LDLRAD3: variants seen among roughly 807,000 people sequenced by gnomAD.
LDLRAD3 encodes the protein low density lipoprotein receptor class A domain containing 3, also known as low-density lipoprotein receptor class A domain-containing protein 3.
LDLRAD3 carries 20 observed loss-of-function variants against 29.4 expected under a neutral mutation model. The observed-to-expected ratio is 0.68, with a 90% confidence interval of 0.48 to 0.99. LDLRAD3 has a LOEUF of 0.99. Ranked by LOEUF, LDLRAD3 falls within the 50% of genes least tolerant of loss-of-function variation. The pLI, the probability that LDLRAD3 is intolerant of heterozygous loss-of-function variation, is 0.00. For missense variants in LDLRAD3, 420 were observed against 454.3 expected (o/e 0.92, Z 0.69); for synonymous variants, 157 against 192.7 (o/e 0.81, Z 1.53).
intron 4 of LDLRAD3, among the ~76,000 whole-genome samples, chr11:36,107,794 C>T (rs1489475908): frequency 4.6e-5 from 7 of 152,098 alleles, no homozygotes; most frequent in Middle Eastern, 3.2e-3. Flanking sequence ...ATGATGAAAT[C>T]GCCTAATGAT....
At chr11:36,167,415 C>G (rs1474106059) in intron 4 of LDLRAD3, among the ~76,000 whole-genome samples, 1 of 152,184 alleles carries the variant, frequency 6.6e-6, no homozygotes, top group Non-Finnish European at 1.5e-5. Flanking sequence ...AATTAACCAT[C>G]ACGATGAGGT....
At chr11:36,199,525 C>T (rs1855086503) in intron 4 of LDLRAD3, among the ~76,000 whole-genome samples, 1 of 152,038 alleles carries the variant, frequency 6.6e-6, no homozygotes, top group Non-Finnish European at 1.5e-5. Context: ...CAATGAGGGT[C>T]CCTGTTATAT....
At chr11:36,186,531 G>C (rs1407746985) in intron 4 of LDLRAD3, among the ~76,000 whole-genome samples, 1 of 152,144 alleles carries the variant, frequency 6.6e-6, no homozygotes, top group African/African-American at 2.4e-5. Context: ...TTGCATGTGT[G>C]GTCTAGGGTT....
chr11:36,134,840 G>T (rs1289459961), intron 4 of LDLRAD3, among the ~76,000 whole-genome samples: 1 of 152,212 alleles, frequency 6.6e-6, no homozygotes, highest in Non-Finnish European at 1.5e-5. Flanking sequence ...TGGCAAGTTG[G>T]TGGTGGGTGC....
chr11:36,039,006 G>T, intron 2 of LDLRAD3, among the ~76,000 whole-genome samples: 2 of 140,640 alleles, frequency 1.4e-5, no homozygotes, highest in African/African-American at 5.4e-5. Flanking sequence ...TCTTGCCTCT[G>T]TCACCCAGGC....
intron 3 of LDLRAD3, among the ~76,000 whole-genome samples, chr11:36,094,711 A>G (rs934295718): frequency 3.9e-5 from 6 of 151,906 alleles, no homozygotes; most frequent in Non-Finnish European, 8.8e-5. Context: ...TAATTTTTGT[A>G]TTTTTAGTAG....
At chr11:36,108,176 T>C (rs780441225) in intron 4 of LDLRAD3, among the ~76,000 whole-genome samples, 4 of 151,380 alleles carry the variant, frequency 2.6e-5, no homozygotes, top group South Asian at 2.1e-4. Flanking sequence ...CAAAATTAGC[T>C]GGGCGTGGTG....
chr11:35,994,853 CT>C (rs1161344257), intron 1 of LDLRAD3, among the ~76,000 whole-genome samples: 3 of 152,254 alleles, frequency 2.0e-5, no homozygotes, highest in Non-Finnish European at 4.4e-5. Context: ...GTTTGCTCAT[CT>C]GTAAGAAGCA....
At position 35,944,125 on chromosome 11, in the gene LDLRAD3, G is replaced by C. The variant is rs1307416397; in HGVS notation, c.27G>C (p.Leu9=). 1.9e-6 allele frequency: 2 copies of C among 1,059,124 alleles called. No individual in the cohort carries two copies. Among genetic ancestry groups the C allele is most frequent in the African/African-American group, 1.7e-5 (1 of 58,718 alleles). 65.6% of individuals were successfully genotyped at this position (1,059,124 alleles called of 1,614,324 possible). The change falls in exon 1 of 6, where the codon CTG becomes CTC. Residue 9 remains leucine, a synonymous_variant. Transcript: ENST00000315571. The surrounding 1 kb of genome is among the most constrained non-coding windows in gnomAD (Gnocchi z 4.9). MWLLGPLC[L]LLSSAAESQL... is the part of the protein sequence containing the mutation. ...TGTGGCTGCTGGGGCCGCTGTGCCT[G>C]CTGCTGAGCAGCGCCGCGGGTGAGT...
At chr11:35,945,003 C>T (rs1185290593) in intron 1 of LDLRAD3, among the ~76,000 whole-genome samples, 2 of 152,232 alleles carry the variant, frequency 1.3e-5, no homozygotes, top group African/African-American at 2.4e-5. Flanking sequence ...CCTTCCTCCT[C>T]TGCCCCTGCC....
intron 4 of LDLRAD3, among the ~76,000 whole-genome samples, chr11:36,119,216 T>G (rs181634135): frequency 6.6e-6 from 1 of 152,342 alleles, no homozygotes; most frequent in African/African-American, 2.4e-5. Flanking sequence ...CTACAGTATG[T>G]ATCAGCTTCT....
At chr11:35,967,711 G>A (rs377229516) in intron 1 of LDLRAD3, 2 of 477,306 alleles carry the variant, frequency 4.2e-6, no homozygotes, top group Non-Finnish European at 8.5e-6. Context: ...TGCCAGAGTT[G>A]TGGCTGTATT....
chr11:35,978,869 G>A (rs550032089), intron 1 of LDLRAD3, among the ~76,000 whole-genome samples: 2 of 152,136 alleles, frequency 1.3e-5, no homozygotes, highest in Non-Finnish European at 2.9e-5. Context: ...CCTCTGAGGG[G>A]CACAGCTATT....
At chr11:36,071,617 G>A (rs1532565) in intron 2 of LDLRAD3, among the ~76,000 whole-genome samples, 123,940 of 152,214 alleles carry the variant, frequency 0.81, 50,934 homozygotes, top group East Asian at 0.97. Context: ...CAGGTTTCAG[G>A]ATAGCATATA....
chr11:36,131,251 A>G (rs1489359063), intron 4 of LDLRAD3, among the ~76,000 whole-genome samples: 1 of 152,238 alleles, frequency 6.6e-6, no homozygotes, highest in Non-Finnish European at 1.5e-5. Context: ...ACGCAAATGA[A>G]TTGGAGATGG....
chr11:36,206,725 CTTTT>C (rs33957569), intron 4 of LDLRAD3, among the ~76,000 whole-genome samples: 52 of 133,082 alleles, frequency 3.9e-4, no homozygotes, highest in Admixed American at 9.1e-4. Flanking sequence ...GTTGATTTTA[CTTTT>C]TTTTTTTTTT....
At chr11:36,223,230 A>G (rs1855453772) in intron 4 of LDLRAD3, among the ~76,000 whole-genome samples, 1 of 152,188 alleles carries the variant, frequency 6.6e-6, no homozygotes, top group African/African-American at 2.4e-5. Context: ...TCGCCTGCCA[A>G]AGTGAAGAGA....
At chr11:36,066,793 G>C (rs956521458) in intron 2 of LDLRAD3, among the ~76,000 whole-genome samples, 1 of 152,132 alleles carries the variant, frequency 6.6e-6, no homozygotes. Flanking sequence ...AGGGCTGTTG[G>C]GGGGATGAGG....
chr11:36,208,531 A>G (rs1017035322), intron 4 of LDLRAD3, among the ~76,000 whole-genome samples: 1 of 152,222 alleles, frequency 6.6e-6, no homozygotes, highest in African/African-American at 2.4e-5. Context: ...TCCTGAGGAG[A>G]GAGCCTTCCT....
Sources: allele counts gnomAD v4.1 joint callset (sites outside exome capture counted in the v4.1 genomes callset), GRCh38; gene constraint gnomAD v4.1.1; non-coding constraint Gnocchi (gnomAD v3.1); transcripts MANE v1.5; gene names NCBI Gene and HGNC (gene_info 2026-07-23, HGNC 2026-07-21).